SIPA1L2: variants seen among roughly 807,000 people sequenced by gnomAD.
SIPA1L2 encodes the protein signal-induced proliferation-associated 1-like protein 2.
In SIPA1L2, 56 loss-of-function variants were observed where a neutral mutation model predicts 163.9. That is an observed-to-expected ratio of 0.34 (90% confidence interval 0.28 to 0.43). The LOEUF is 0.43. SIPA1L2 is among the 20% of genes least tolerant of loss of function. The pLI is 1.00. For synonymous variants in SIPA1L2, 877 were observed against 865.7 expected, an observed-to-expected ratio of 1.01 and a Z score of -0.23; for missense variants, 1,974 against 2,193.5, an observed-to-expected ratio of 0.90 and a Z score of 2.00.
chr1:232,441,947 A>G (rs1283234574), intron 12 of SIPA1L2, 79 bp from the exon 13 acceptor site: 2 of 1,245,976 alleles, frequency 1.6e-6, no homozygotes, highest in African/African-American at 3.0e-5. Flanking sequence ...GCTGGCTTCC[A>G]AGTAGGCTAT....
At chr1:232,449,475 G>A (rs1359876758) in intron 10 of SIPA1L2, among the ~76,000 whole-genome samples, 1 of 146,944 alleles carries the variant, frequency 6.8e-6, no homozygotes, top group Non-Finnish European at 1.5e-5. Context: ...CTGAGATAGT[G>A]CCACTGCAGT....
chr1:232,594,467 C>T (rs1385078054), intron 1 of SIPA1L2, among the ~76,000 whole-genome samples: 1 of 152,138 alleles, frequency 6.6e-6, no homozygotes, highest in Admixed American at 6.5e-5. Context: ...CTGCCCTCAC[C>T]TCATTTTATG....
intron 1 of SIPA1L2, among the ~76,000 whole-genome samples, chr1:232,611,827 T>C (rs1439336799): frequency 6.6e-6 from 1 of 152,160 alleles, no homozygotes; most frequent in Non-Finnish European, 1.5e-5. Flanking sequence ...TGAAGAAATG[T>C]GCATAAATAA....
intron 11 of SIPA1L2, 30 bp from the exon 12 acceptor site, chr1:232,443,715 G>T: frequency 6.4e-7 from 1 of 1,574,004 alleles, no homozygotes; most frequent in Non-Finnish European, 8.7e-7. Flanking sequence ...CATTAACAGG[G>T]CACTGAACTA....
chr1:232,599,163 G>A (rs1428625982), intron 1 of SIPA1L2, among the ~76,000 whole-genome samples: 6 of 152,096 alleles, frequency 3.9e-5, no homozygotes, highest in Non-Finnish European at 8.8e-5. Flanking sequence ...CCTATAAAGT[G>A]ACAGAATGAG....
intron 10 of SIPA1L2, among the ~76,000 whole-genome samples, chr1:232,455,263 T>C (rs1307223082): frequency 6.6e-6 from 1 of 152,166 alleles, no homozygotes; most frequent in African/African-American, 2.4e-5. Flanking sequence ...TTATTATCCA[T>C]ACAAATAAGT....
intron 3 of SIPA1L2, among the ~76,000 whole-genome samples, chr1:232,510,462 C>T (rs993638463): frequency 1.3e-5 from 2 of 152,282 alleles, no homozygotes; most frequent in African/African-American, 4.8e-5. Context: ...AAACGATAAG[C>T]GTACATCCAC....
In SIPA1L2 at chr1:232,455,490, G is replaced by A. The variant is rs558652652; in HGVS notation, c.3095+5397C>T. On this transcript the variant is annotated intron_variant, in intron 10 of 22. Coordinates refer to ENST00000674635, the MANE Select transcript of SIPA1L2 (RefSeq NM_020808.5). ...AGGTCAGGAGATCGAGACCATCCTGGCTAACACAGTGAAACCCCGTCTCTA... is the reference window on the plus strand; with the variant it reads ...AGGTCAGGAGATCGAGACCATCCTGACTAACACAGTGAAACCCCGTCTCTA... 4.9e-4 allele frequency among the ~76,000 whole-genome samples: 74 copies of A among 152,164 alleles called. 2 individuals are homozygous for A. The South Asian group carries it at 0.012, about 24-fold the overall frequency.
chr1:232,410,175 T>G (rs1660867868), intron 19 of SIPA1L2, among the ~76,000 whole-genome samples: 1 of 152,168 alleles, frequency 6.6e-6, no homozygotes, highest in Non-Finnish European at 1.5e-5. Flanking sequence ...AGCAATCTGC[T>G]TATAAACATT....
chr1:232,439,353 G>A lies in SIPA1L2; in HGVS notation c.3786C>T (p.Ser1262=), dbSNP rs778216437. The part of the protein sequence containing the change: ...LLGLTYIKGA[S]TDSGIDTAPC... Reference sequence around the variant, plus strand: ...GGGCCGTGTCGATGCCACTGTCGGTGGAGGCCCCTTTGATGTAGGTCAGCC... The same window carrying A: ...GGGCCGTGTCGATGCCACTGTCGGTAGAGGCCCCTTTGATGTAGGTCAGCC... The change falls in exon 15 of 23, where the codon TCC becomes TCT. Residue 1262 remains serine, a synonymous_variant. Transcript: ENST00000674635. 6.2e-7 allele frequency: 1 copy of A among 1,614,212 alleles called. No homozygotes were observed. The highest frequency in any genetic ancestry group is 1.1e-5 in the South Asian group (1 of 91,082).
At chr1:232,505,861 T>C (rs1666709141) in intron 3 of SIPA1L2, among the ~76,000 whole-genome samples, 1 of 152,168 alleles carries the variant, frequency 6.6e-6, no homozygotes, top group Admixed American at 6.5e-5. Flanking sequence ...GTACTATTGT[T>C]AGATGGCACT....
intron 10 of SIPA1L2, among the ~76,000 whole-genome samples, chr1:232,453,810 T>C (rs906993595): frequency 6.6e-6 from 1 of 151,998 alleles, no homozygotes; most frequent in African/African-American, 2.4e-5. Flanking sequence ...ATGTCATATT[T>C]TTCAGTAGGT....
At chr1:232,420,574 G>A (rs1218491022) in intron 18 of SIPA1L2, among the ~76,000 whole-genome samples, 2 of 152,030 alleles carry the variant, frequency 1.3e-5, no homozygotes, top group Non-Finnish European at 2.9e-5. Flanking sequence ...GGTGGCTCAT[G>A]CCTGTAATCC....
chr1:232,425,561 G>C (rs1213912430), intron 18 of SIPA1L2, 28 bp downstream of exon 18: 13 of 1,524,652 alleles, frequency 8.5e-6, no homozygotes, highest in Non-Finnish European at 9.8e-6. Flanking sequence ...CTCGGCGCTG[G>C]CCAGGGAGCA....
intron 2 of SIPA1L2, among the ~76,000 whole-genome samples, chr1:232,531,358 T>C (rs1412361153): frequency 6.6e-6 from 1 of 152,182 alleles, no homozygotes; most frequent in Non-Finnish European, 1.5e-5. Context: ...TTCCATCCCC[T>C]TTCTTGTGAT....
At chr1:232,451,522 G>T (rs1156235853) in intron 10 of SIPA1L2, among the ~76,000 whole-genome samples, 1 of 152,040 alleles carries the variant, frequency 6.6e-6, no homozygotes, top group East Asian at 1.9e-4. Flanking sequence ...AGCACAAAAA[G>T]ACATTTCTAA....
Position 232,464,880 on chromosome 1 carries a change from T to C in SIPA1L2, c.2780A>G (p.Asn927Ser), listed in dbSNP as rs368285385. The change falls in exon 9 of 23, where the codon AAC becomes AGC. Residue 927 changes from asparagine (N) to serine (S), a missense_variant. Asn to Ser is a conservative substitution (Grantham distance 46, BLOSUM62 1). This residue lies in a region of SIPA1L2 where 1,079 missense variants were observed against 1,150.7 expected (regional missense o/e 0.94). Coordinates refer to ENST00000674635, the MANE Select transcript of SIPA1L2 (RefSeq NM_020808.5). ...GECVLLSSVD[N>S]CAEDIREIVQ... ...AATTTCCCTGATGTCTTCAGCACAG[T>C]TGTCTACCGAGGACAGGAGGACACA... 8.7e-6 allele frequency: 14 copies of C among 1,613,354 alleles called. No individual in the cohort carries two copies. The highest frequency in any genetic ancestry group is 1.7e-5 in the Admixed American group (1 of 59,996).
chr1:232,590,886 T>TA (rs1212832994), intron 1 of SIPA1L2, among the ~76,000 whole-genome samples: 13 of 152,172 alleles, frequency 8.5e-5, no homozygotes, highest in African/African-American at 3.1e-4. Context: ...CCCATCAACC[T>TA]AAAATGCAGA....
chr1:232,604,765 G>A (rs1439989085), intron 1 of SIPA1L2, among the ~76,000 whole-genome samples: 6 of 152,114 alleles, frequency 3.9e-5, no homozygotes, highest in Non-Finnish European at 7.3e-5. Flanking sequence ...TCTCATGATG[G>A]AGTTCTCAGG....
Sources: gnomAD v4.1 joint callset for allele counts (sites outside exome capture counted in the v4.1 genomes callset) on GRCh38, gnomAD v4.1.1 for gene constraint, gnomAD v4.1.1 regional missense constraint, MANE v1.5 for transcripts, NCBI Gene and HGNC (gene_info 2026-07-23, HGNC 2026-07-21) for gene names.